The following MAK16 variants were observed in gnomAD, a reference collection of about 807,000 sequenced individuals.
The protein encoded by MAK16 is protein MAK16 homolog.
In MAK16, 12 loss-of-function variants were observed where a neutral mutation model predicts 49.9. The ratio of observed to expected loss-of-function variants is 0.24; its 90% CI spans 0.15 to 0.39. MAK16 has a LOEUF of 0.39. Ranked by LOEUF, MAK16 falls within the 10% of genes least tolerant of loss-of-function variation. The probability of loss-of-function intolerance (pLI) is 1.00; values close to 1 mark genes in which losing one functional copy is unlikely to be tolerated. For missense variants in MAK16, 292 were observed against 363.7 expected (o/e 0.80, Z 1.60); for synonymous variants, 115 against 126.4 (o/e 0.91, Z 0.60).
At chr8:33,487,051 T>C (rs1423963243) in intron 1 of MAK16, among the ~76,000 whole-genome samples, 3 of 152,222 alleles carry the variant, frequency 2.0e-5, no homozygotes, top group African/African-American at 7.2e-5. Flanking sequence ...TTTTGCCCTC[T>C]TCATATTTTT....
chr8:33,490,431 G>T, intron 6 of MAK16, 92 bp downstream of exon 6: 2 of 952,738 alleles, frequency 2.1e-6, no homozygotes, highest in Non-Finnish European at 1.6e-6. Context: ...AACTGTTGAG[G>T]CCTTGGATAA....
chr8:33,488,480 A>G lies in MAK16; in HGVS notation c.66-40A>G, dbSNP rs1266737008. The G allele has an allele frequency of 1.4e-5, 23 of 1,613,614 alleles. No individual in the cohort carries two copies. The Admixed American group carries it at 2.7e-4, about 19-fold the overall frequency. On this transcript the variant is annotated intron_variant, in intron 2 of 9. Coordinates refer to ENST00000360128, the MANE Select transcript of MAK16 (RefSeq NM_032509.4). ...AGATTCCTTCAGTTGCCTCTTTGGC[A>G]ACCCATTTTATAATCTTTGTTTCTT...
intron 1 of MAK16, 100 bp downstream of exon 1, chr8:33,485,321 C>T (rs1808668545): frequency 1.3e-6 from 2 of 1,500,948 alleles, no homozygotes; most frequent in South Asian, 1.1e-5. Flanking sequence ...TCTGTTGCCT[C>T]GTGCCGCTCT....
chr8:33,500,170 CA>C lies in MAK16; in HGVS notation c.*1543del. On this transcript the variant is annotated 3_prime_UTR_variant, in exon 10 of 10. Transcript: ENST00000360128. ...TTAAAAGATGAATAAGAAAAAAGAT[CA>C]AGCTCTTTTGAGGCTAGAGGGCTCA... 1 of 736,704 alleles carries C rather than the reference CA, an allele frequency of 1.4e-6. No homozygotes were observed. The highest frequency in any genetic ancestry group is 2.2e-6 in the Non-Finnish European group (1 of 459,030). 45.6% of individuals were successfully genotyped at this position (736,704 alleles called of 1,614,324 possible).
At chr8:33,485,357 T>A in intron 1 of MAK16, 136 bp downstream of exon 1, 1 of 1,174,750 alleles carries the variant, frequency 8.5e-7, no homozygotes, top group Non-Finnish European at 1.3e-6. Flanking sequence ...GGAACCCCGA[T>A]TTTCCAACAT....
intron 7 of MAK16, among the ~76,000 whole-genome samples, chr8:33,496,121 C>T (rs1808854859): frequency 6.6e-6 from 1 of 152,078 alleles, no homozygotes; most frequent in African/African-American, 2.4e-5. Context: ...CTATAAGAGA[C>T]CTTTCCCTTT....
chr8:33,489,129 C>T lies in MAK16; in HGVS notation c.382C>T (p.Leu128=). Residue 128 remains leucine (L), a synonymous_variant, in exon 5 of 10, where the codon CTA becomes TTA. Coordinates refer to ENST00000360128, the MANE Select transcript of MAK16 (RefSeq NM_032509.4). The surrounding 1 kb of genome is among the most constrained non-coding windows in gnomAD (Gnocchi z 4.2). ...QYLIRIRKLT[L]KRQRKLVPLS... is the part of the protein sequence containing the mutation. The stretch of plus-strand genomic sequence containing the variant: ...CCTAATTCGAATTAGAAAACTTACA[C>T]TAAAGCGACAGTAAGTATTTGGATC... 1 of 1,611,742 alleles carries T rather than the reference C, an allele frequency of 6.2e-7. No individual in the cohort carries two copies. Among genetic ancestry groups the T allele is most frequent in the Non-Finnish European group, 8.5e-7 (1 of 1,178,330 alleles).
rs754796581 is a variant in MAK16 at position 33,488,575 on chromosome 8, C to T, written c.121C>T (p.Arg41Trp). The T allele has an allele frequency of 1.3e-5, 21 of 1,614,010 alleles. No individual in the cohort carries two copies. Among genetic ancestry groups the T allele is most frequent in the Admixed American group, 1.7e-5 (1 of 59,984 alleles). The change falls in exon 3 of 10, where the codon CGG becomes TGG. Residue 41 changes from arginine (R) to tryptophan (W), a missense_variant. Arg to Trp is a moderately radical substitution (Grantham distance 101). Coordinates refer to ENST00000360128, the MANE Select transcript of MAK16 (RefSeq NM_032509.4). ...NEYSLTGLCN[R>W]SSCPLANSQY... ...ATATAGCCTGACTGGACTGTGTAAT[C>T]GGTCATCCTGTCCCCTGGCAAATAG...
intron 1 of MAK16, among the ~76,000 whole-genome samples, chr8:33,486,007 A>T (rs1808681078): frequency 6.6e-6 from 1 of 152,238 alleles, no homozygotes; most frequent in Non-Finnish European, 1.5e-5. Flanking sequence ...CTGAGGAAAA[A>T]GCAATCCAGG....
chr8:33,490,558 A>G (rs1390533293), intron 6 of MAK16, among the ~76,000 whole-genome samples: 1 of 152,220 alleles, frequency 6.6e-6, no homozygotes, highest in Non-Finnish European at 1.5e-5. Context: ...GTAATGGAGA[A>G]CAGAAAGAAT....
intron 8 of MAK16, 39 bp from the exon 9 acceptor site, chr8:33,497,193 T>C: frequency 7.0e-7 from 1 of 1,427,368 alleles, no homozygotes; most frequent in Middle Eastern, 1.8e-4. Flanking sequence ...TGAATCTTCA[T>C]TATGTATTCT....
chr8:33,490,642 A>C (rs1051006740), intron 6 of MAK16, among the ~76,000 whole-genome samples: 4 of 152,216 alleles, frequency 2.6e-5, no homozygotes, highest in South Asian at 4.1e-4. Flanking sequence ...CATATTTTAC[A>C]TACTACATAA....
At chr8:33,486,523 G>A (rs906719229) in intron 1 of MAK16, among the ~76,000 whole-genome samples, 32 of 152,230 alleles carry the variant, frequency 2.1e-4, no homozygotes, top group Admixed American at 1.8e-3. Context: ...CTGCACTCCA[G>A]CCTGGGTGAC....
chr8:33,494,305 C>T (rs564456409), intron 6 of MAK16, among the ~76,000 whole-genome samples: 31 of 152,156 alleles, frequency 2.0e-4, no homozygotes, highest in Non-Finnish European at 4.1e-4. Flanking sequence ...GATCTCCTGA[C>T]GTCGGGTGAT....
intron 6 of MAK16, among the ~76,000 whole-genome samples, chr8:33,492,946 A>AT (rs201449520): frequency 0.072 from 10,178 of 141,052 alleles, 481 homozygotes; most frequent in African/African-American, 0.14. Context: ...CAATTTTAGG[A>AT]TTTTTTTTTC....
chr8:33,498,671 CTGTT>C lies in MAK16; in HGVS notation c.*44_*47del. 1 of 1,155,746 alleles carries C rather than the reference CTGTT, an allele frequency of 8.7e-7. No homozygotes were observed. Among genetic ancestry groups the C allele is most frequent in the Non-Finnish European group, 1.2e-6 (1 of 825,904 alleles). 71.6% of individuals were successfully genotyped at this position (1,155,746 alleles called of 1,614,324 possible). On this transcript the variant is annotated 3_prime_UTR_variant, in exon 10 of 10. Transcript: ENST00000360128. ...TATACCCAGGACTGAACATGCAGAA[CTGTT>C]TTTTTTTTTTTTTTATCTTAAACAC...
In MAK16 at chr8:33,498,671, C is replaced by CT. The variant is rs750940623; in HGVS notation, c.*43dup. 5.0e-4 allele frequency: 573 copies of CT among 1,154,518 alleles called. No individual in the cohort carries two copies. Among genetic ancestry groups the CT allele is most frequent in the Non-Finnish European group, 5.9e-4 (484 of 825,056 alleles). 71.5% of individuals were successfully genotyped at this position (1,154,518 alleles called of 1,614,324 possible). On this transcript the variant is annotated 3_prime_UTR_variant, in exon 10 of 10. Coordinates refer to ENST00000360128, the MANE Select transcript of MAK16 (RefSeq NM_032509.4). ...TATACCCAGGACTGAACATGCAGAA[C>CT]TGTTTTTTTTTTTTTTTTATCTTAA...
chr8:33,488,954 C>T (rs367663190), intron 4 of MAK16, 34 bp from the exon 5 acceptor site: 12 of 1,613,820 alleles, frequency 7.4e-6, no homozygotes, highest in Non-Finnish European at 1.0e-5. Context: ...ATCATTTACA[C>T]TTGCCCTTCA....
At chr8:33,497,614 T>C (rs1808895921) in intron 9 of MAK16, among the ~76,000 whole-genome samples, 1 of 151,818 alleles carries the variant, frequency 6.6e-6, no homozygotes, top group Non-Finnish European at 1.5e-5. Context: ...TCCTTCAGCC[T>C]CCCAAGTAGC....
Sources: gnomAD v4.1 joint callset for allele counts (sites outside exome capture counted in the v4.1 genomes callset) on GRCh38, gnomAD v4.1.1 for gene constraint, Gnocchi (gnomAD v3.1) non-coding constraint, MANE v1.5 for transcripts, NCBI Gene and HGNC (gene_info 2026-07-23, HGNC 2026-07-21) for gene names.